Variants in ATG13 observed in about 807,000 individuals in gnomAD.
ATG13 encodes the protein autophagy related 13, also known as autophagy-related protein 13.
In ATG13, 23 loss-of-function variants were observed where a neutral mutation model predicts 65.5. That is an observed-to-expected ratio of 0.35 (90% confidence interval 0.25 to 0.50). The LOEUF (loss-of-function observed/expected upper bound fraction) is 0.50, where lower values mean the gene tolerates loss of function less well. ATG13 is among the 20% of genes least tolerant of loss of function. The probability of loss-of-function intolerance (pLI) is 0.98; values close to 1 mark genes in which losing one functional copy is unlikely to be tolerated. For missense variants in ATG13, 566 were observed against 677.0 expected (o/e 0.84, Z 1.82); for synonymous variants, 252 against 245.2 (o/e 1.03, Z -0.26).
intron 14 of ATG13, among the ~76,000 whole-genome samples, chr11:46,666,828 T>A (rs2062472543): frequency 6.6e-6 from 1 of 152,206 alleles, no homozygotes. Flanking sequence ...CCCCCTCACA[T>A]TCTAAATGAA....
At chr11:46,638,576 C>T (rs1417137538) in intron 2 of ATG13, 1 of 152,208 alleles carries the variant, frequency 6.6e-6, no homozygotes, top group Non-Finnish European at 1.5e-5. Flanking sequence ...ACCAATTTCT[C>T]ACCATCAACC....
At chr11:46,659,080 C>G (rs1323518449) in intron 10 of ATG13, among the ~76,000 whole-genome samples, 1 of 151,984 alleles carries the variant, frequency 6.6e-6, no homozygotes, top group Admixed American at 6.6e-5. Context: ...CCCAGCTACT[C>G]GAGGCTGAAG....
At chr11:46,649,310 G>A (rs2136408126) in intron 6 of ATG13, 127 bp downstream of exon 6, 1 of 1,054,770 alleles carries the variant, frequency 9.5e-7, no homozygotes, top group Non-Finnish European at 1.4e-6. Flanking sequence ...AAGCCAATAG[G>A]TCTTTGCTAC....
At chr11:46,656,162 A>G (rs2060011575) in intron 7 of ATG13, 71 bp from the exon 8 acceptor site, 3 of 1,348,874 alleles carry the variant, frequency 2.2e-6, no homozygotes, top group Admixed American at 1.9e-5. Context: ...TTTTGTTTCT[A>G]CGTGTTTTGG....
intron 7 of ATG13, among the ~76,000 whole-genome samples, chr11:46,655,593 A>C (rs1592034335): frequency 6.6e-6 from 1 of 152,204 alleles, no homozygotes; most frequent in African/African-American, 2.4e-5. Flanking sequence ...AAAACAAAAC[A>C]AAACCAGTGC....
chr11:46,644,038 A>G (rs1351775403), intron 2 of ATG13, among the ~76,000 whole-genome samples: 1 of 152,220 alleles, frequency 6.6e-6, no homozygotes, highest in Non-Finnish European at 1.5e-5. Context: ...TTTCAGAATC[A>G]GGTAAAATGT....
chr11:46,644,381 A>C (rs781469080), intron 3 of ATG13, 21 bp downstream of exon 3: 1 of 1,568,840 alleles, frequency 6.4e-7, no homozygotes, highest in South Asian at 1.2e-5. Flanking sequence ...CATTCTCTTG[A>C]GCCTAGAACT....
chr11:46,654,283 TTATA>T (rs376147806), intron 7 of ATG13, among the ~76,000 whole-genome samples: 18 of 122,304 alleles, frequency 1.5e-4, no homozygotes, highest in South Asian at 5.3e-4. Flanking sequence ...TTTTAAAATT[TTATA>T]TATATATATA....
chr11:46,634,578 A>G (rs995464378), intron 2 of ATG13, among the ~76,000 whole-genome samples: 3 of 151,586 alleles, frequency 2.0e-5, no homozygotes, highest in Non-Finnish European at 2.9e-5. Flanking sequence ...TATTTTTAGT[A>G]GAGACAGGGT....
At chr11:46,629,112 T>A (rs2050764536) in intron 1 of ATG13, among the ~76,000 whole-genome samples, 1 of 151,598 alleles carries the variant, frequency 6.6e-6, no homozygotes, top group Non-Finnish European at 1.5e-5. Flanking sequence ...CTGGCTAATT[T>A]TTGTATTTTT....
chr11:46,642,887 A>G (rs765821229), intron 2 of ATG13, among the ~76,000 whole-genome samples: 1 of 152,184 alleles, frequency 6.6e-6, no homozygotes, highest in Non-Finnish European at 1.5e-5. Flanking sequence ...CAAGATGCTC[A>G]TGGTCTGGCC....
intron 2 of ATG13, among the ~76,000 whole-genome samples, chr11:46,642,835 G>C (rs760004860): frequency 5.9e-5 from 9 of 152,120 alleles, no homozygotes; most frequent in East Asian, 1.9e-4. Context: ...CCCCTGTCTC[G>C]CACACTAGGT....
chr11:46,635,991 G>A (rs2053819864), intron 2 of ATG13, among the ~76,000 whole-genome samples: 1 of 152,102 alleles, frequency 6.6e-6, no homozygotes, highest in Non-Finnish European at 1.5e-5. Flanking sequence ...TGTCACCCAA[G>A]CTGGAGTACA....
chr11:46,665,407 G>C lies in ATG13; in HGVS notation c.1024G>C (p.Gly342Arg), dbSNP rs1157337061. The change falls in exon 14 of 19, where the codon GGG becomes CGG. Residue 342 changes from glycine to arginine, a missense_variant. By Grantham distance (125) the Gly-to-Arg change is moderately radical. This residue lies in a region of ATG13 where 387 missense variants were observed against 409.8 expected (regional missense o/e 0.94). Coordinates refer to ENST00000683050, the MANE Select transcript of ATG13 (RefSeq NM_001346311.2). ...HQLMVPGKEG[G>R]VPLAPNQPVH... ...GCTGATGGTTCCTGGGAAGGAAGGT[G>C]GGGTACCCCTTGCTCCCAACCAGCC... 6.2e-7 allele frequency: 1 copy of C among 1,613,932 alleles called. No individual in the cohort carries two copies. The highest frequency in any genetic ancestry group is 8.5e-7 in the Non-Finnish European group (1 of 1,179,978).
At chr11:46,638,864 A>G (rs961596036) in intron 2 of ATG13, among the ~76,000 whole-genome samples, 18 of 151,768 alleles carry the variant, frequency 1.2e-4, no homozygotes, top group Admixed American at 2.0e-4. Context: ...CTGGAGTGCA[A>G]TGTTGTGGTA....
At chr11:46,619,007 T>A (rs570362428) in intron 1 of ATG13, among the ~76,000 whole-genome samples, 2 of 152,172 alleles carry the variant, frequency 1.3e-5, no homozygotes, top group South Asian at 4.2e-4. Context: ...CGAAGGAAGT[T>A]TACTTGAACT....
chr11:46,617,577 C>G lies in ATG13; in HGVS notation c.-383C>G, dbSNP rs979588808. The G allele has an allele frequency of 6.8e-6, 1 of 147,994 alleles. No homozygotes were observed. The highest frequency in any genetic ancestry group is 1.3e-5 in the Non-Finnish European group (1 of 78,680). 9.2% of individuals were successfully genotyped at this position (147,994 alleles called of 1,614,324 possible). A position where few individuals can be genotyped will look rare whatever the true frequency, so the allele number is the denominator to read the frequency against. ...CGGCCATTACCGAAGCGGATGAAAA[C>G]AAACACTAACGATGGCGGCGCCGGG... On this transcript the variant is annotated 5_prime_UTR_variant, in exon 1 of 19. Coordinates refer to ENST00000683050, the MANE Select transcript of ATG13 (RefSeq NM_001346311.2).
At chr11:46,663,967 T>TC in intron 11 of ATG13, 30 bp from the exon 12 acceptor site, 1 of 1,239,588 alleles carries the variant, frequency 8.1e-7, no homozygotes, top group South Asian at 1.4e-5. Context: ...TTTTTTTGTT[T>TC]CTCCTGTCTC....
chr11:46,660,388 T>TTG (rs1268577888), intron 11 of ATG13, among the ~76,000 whole-genome samples: 1 of 144,204 alleles, frequency 6.9e-6, no homozygotes. Flanking sequence ...TGTTGTTGGT[T>TTG]TTTTTTTTTT....
Sources: gnomAD v4.1 joint callset for allele counts (sites outside exome capture counted in the v4.1 genomes callset) on GRCh38, gnomAD v4.1.1 for gene constraint, gnomAD v4.1.1 regional missense constraint, MANE v1.5 for transcripts, NCBI Gene and HGNC (gene_info 2026-07-23, HGNC 2026-07-21) for gene names.